The following ZNF474 variants were observed in gnomAD, a reference collection of about 807,000 sequenced individuals.
ZNF474 encodes the protein zinc finger protein 474.
For synonymous variants in ZNF474, 192 were observed against 162.2 expected (o/e 1.18, Z -1.39); for missense variants, 511 against 433.8 (o/e 1.18, Z -1.58).
chr5:122,148,973 G>A lies in ZNF474; in HGVS notation c.-212-2806G>A, dbSNP rs374934799. On this transcript the variant is annotated intron_variant, in intron 1 of 1. Transcript: ENST00000296600. ...TCAAACTCCAGACCTCAGGTGATCC[G>A]CCCACCTCGGCCTCCCAAAGTGCTG... 6.4e-4 allele frequency among the ~76,000 whole-genome samples: 98 copies of A among 152,046 alleles called. 2 individuals carry two copies. The South Asian group carries it at 9.6e-3, about 15-fold the overall frequency.
In ZNF474 at chr5:122,153,079, C is replaced by T. The variant is rs1756242209; in HGVS notation, c.1089C>T (p.Cys363=). 6.2e-7 allele frequency: 1 copy of T among 1,604,596 alleles called. No homozygotes were observed. The highest frequency in any genetic ancestry group is 1.3e-5 in the African/African-American group (1 of 74,512). The part of the protein sequence containing the change: ...DALGEPGGAL[C]L ...TAGGTGAACCTGGTGGTGCCCTCTGCCTGTAGGGGAACAAGAGAAAACTAT... is the reference window on the plus strand; with the variant it reads ...TAGGTGAACCTGGTGGTGCCCTCTGTCTGTAGGGGAACAAGAGAAAACTAT... The change falls in exon 2 of 2, where the codon TGC becomes TGT. Residue 363 remains cysteine (C), a synonymous_variant. Transcript: ENST00000296600.
Position 122,152,124 on chromosome 5 carries a change from C to G in ZNF474, c.134C>G (p.Thr45Arg), listed in dbSNP as rs780293637. The change falls in exon 2 of 2, where the codon ACA (threonine) becomes AGA (arginine). Residue 45 changes from threonine to arginine, a missense_variant. Thr to Arg is a moderately conservative substitution (Grantham distance 71). Transcript: ENST00000296600. ...TCCTATTCTAGCCTTTCCCCAGAAA[C>G]AGAGAGTGTTAATCCTGGTGAAAAT... The part of the protein sequence containing the change: ...SDSYSSLSPE[T>R]ESVNPGENIK... 2 of 1,614,186 alleles carry G rather than the reference C, an allele frequency of 1.2e-6. No homozygotes were observed. Among genetic ancestry groups the G allele is most frequent in the East Asian group, 2.2e-5 (1 of 44,884 alleles).
At chr5:122,142,450 A>G (rs904041912) in intron 1 of ZNF474, among the ~76,000 whole-genome samples, 3 of 152,338 alleles carry the variant, frequency 2.0e-5, no homozygotes, top group African/African-American at 7.2e-5. Flanking sequence ...GAGGCTTTCT[A>G]TAAATGTTGA....
rs1205725299 is a variant in ZNF474 at position 122,153,396 on chromosome 5, T to G, written c.*311T>G. On this transcript the variant is annotated 3_prime_UTR_variant, in exon 2 of 2. Coordinates refer to ENST00000296600, the MANE Select transcript of ZNF474 (RefSeq NM_207317.3). ...ATGCTGTGTCTACATTACAGAGATA[T>G]AATTCCCATTCCAACAGCCAATATT... is the stretch of plus-strand genomic sequence containing the variant. 1 of 288,062 alleles carries G rather than the reference T, an allele frequency of 3.5e-6. No individual in the cohort carries two copies. The highest frequency in any genetic ancestry group is 6.9e-5 in the East Asian group (1 of 14,554). The allele number at this position is 288,062 out of a possible 1,614,324, so 17.8% of individuals were successfully genotyped here.
In ZNF474 at chr5:122,153,117, C is replaced by A; in HGVS notation, c.*32C>A. ...AAGAGAAAACTATCCCCAGAATCAG[C>A]CACCTCAGCCCCTAGTATTTTTTCT... On this transcript the variant is annotated 3_prime_UTR_variant, in exon 2 of 2. Transcript: ENST00000296600. 6.4e-7 allele frequency: 1 copy of A among 1,564,604 alleles called. No individual in the cohort carries two copies.
chr5:122,139,907 G>C (rs113725708), intron 1 of ZNF474, among the ~76,000 whole-genome samples: 41 of 152,296 alleles, frequency 2.7e-4, no homozygotes, highest in African/African-American at 9.6e-4. Flanking sequence ...AGTGGTCTTC[G>C]TAGAGAGGAC....
At chr5:122,130,955 CATCTT>C (rs1755561024) in intron 1 of ZNF474, among the ~76,000 whole-genome samples, 2 of 152,076 alleles carry the variant, frequency 1.3e-5, no homozygotes, top group African/African-American at 2.4e-5. Flanking sequence ...AGCATTTACT[CATCTT>C]ATAGCTGAAG....
chr5:122,146,297 T>C (rs1344788289), intron 1 of ZNF474, among the ~76,000 whole-genome samples: 1 of 152,102 alleles, frequency 6.6e-6, no homozygotes. Context: ...ACTGGCACAA[T>C]TTTGCTATCT....
chr5:122,134,606 A>G (rs548092724), intron 1 of ZNF474, among the ~76,000 whole-genome samples: 3 of 152,312 alleles, frequency 2.0e-5, no homozygotes, highest in East Asian at 3.9e-4. Flanking sequence ...TTATTTACAA[A>G]AGAGCTGAAC....
At chr5:122,149,984 A>G (rs1372181222) in intron 1 of ZNF474, among the ~76,000 whole-genome samples, 2 of 151,822 alleles carry the variant, frequency 1.3e-5, no homozygotes, top group African/African-American at 4.8e-5. Context: ...AGGCAGAGAC[A>G]ATTTAGGGGA....
At chr5:122,145,813 G>A (rs138477054) in intron 1 of ZNF474, among the ~76,000 whole-genome samples, 63 of 152,256 alleles carry the variant, frequency 4.1e-4, no homozygotes, top group African/African-American at 1.4e-3. Flanking sequence ...TAAGTAATAT[G>A]CAGCTTGAAT....
chr5:122,141,300 A>ATTTTTTTTTTTTTTTTTTTTTTTTTTT (rs368273210), intron 1 of ZNF474, among the ~76,000 whole-genome samples: 1 of 64,344 alleles, frequency 1.6e-5, no homozygotes. Flanking sequence ...ACCCCTGGCT[A>ATTTTTTTTTTTTTTTTTTTTTTTTTTT]TTTTTTTTTT....
At chr5:122,131,657 G>C (rs180829356) in intron 1 of ZNF474, among the ~76,000 whole-genome samples, 1 of 152,078 alleles carries the variant, frequency 6.6e-6, no homozygotes, top group East Asian at 1.9e-4. Flanking sequence ...TCTGGATTCG[G>C]ACCCAGGAGT....
chr5:122,151,731 G>A, intron 1 of ZNF474, 48 bp from the exon 2 acceptor site: 1 of 375,768 alleles, frequency 2.7e-6, no homozygotes, highest in East Asian at 5.2e-5. Flanking sequence ...GTGTGTGTGT[G>A]TGTGTGTTTA....
intron 1 of ZNF474, among the ~76,000 whole-genome samples, chr5:122,133,547 C>T (rs1755629639): frequency 6.6e-6 from 1 of 152,024 alleles, no homozygotes; most frequent in South Asian, 2.1e-4. Flanking sequence ...TTGCATTTTC[C>T]AGATTATTTT....
chr5:122,138,982 G>T (rs914289642), intron 1 of ZNF474, among the ~76,000 whole-genome samples: 35 of 152,138 alleles, frequency 2.3e-4, no homozygotes, highest in Admixed American at 2.0e-3. Flanking sequence ...AATCATAAAT[G>T]TGTAATAAAA....
chr5:122,151,705 A>ATG (rs145270704), intron 1 of ZNF474, 74 bp from the exon 2 acceptor site: 22,988 of 205,232 alleles, frequency 0.11, 1,137 homozygotes, highest in Middle Eastern at 0.13. Context: ...AACAACCTAA[A>ATG]TGTGTGTGTG....
In ZNF474 at chr5:122,137,531, A is replaced by G. The variant is rs373457933; in HGVS notation, c.-213+7848A>G. Among the ~76,000 whole-genome samples, 81 of 151,672 alleles carry G rather than the reference A, an allele frequency of 5.3e-4. 1 individual carries two copies. Among genetic ancestry groups the G allele is most frequent in the African/African-American group, 1.8e-3 (76 of 41,306 alleles). On this transcript the variant is annotated intron_variant, in intron 1 of 1. Transcript: ENST00000296600. ...ATATTTAAATAGAGACCTGAAGGATAAAATAAGAAAGCTAAGCAAAGAACT... is the reference window on the plus strand; with the variant it reads ...ATATTTAAATAGAGACCTGAAGGATGAAATAAGAAAGCTAAGCAAAGAACT...
At chr5:122,136,662 A>ATATTAT (rs1755709901) in intron 1 of ZNF474, among the ~76,000 whole-genome samples, 1 of 152,228 alleles carries the variant, frequency 6.6e-6, no homozygotes, top group South Asian at 2.1e-4. Flanking sequence ...TAAAGCTATA[A>ATATTAT]TATTATTATA....
Sources: gnomAD v4.1 joint callset for allele counts (sites outside exome capture counted in the v4.1 genomes callset) on GRCh38, gnomAD v4.1.1 for gene constraint, MANE v1.5 for transcripts, NCBI Gene and HGNC (gene_info 2026-07-23, HGNC 2026-07-21) for gene names.